Variants in CCDC28A observed in about 807,000 individuals in gnomAD.
CCDC28A encodes coiled-coil domain-containing protein 28A.
CCDC28A carries 24 observed loss-of-function variants against 22.1 expected under a neutral mutation model. The ratio of observed to expected loss-of-function variants is 1.09; its 90% confidence interval spans 0.79 to 1.53. The LOEUF is 1.53. Among genes scored for constraint, CCDC28A ranks in the 40% most tolerant of loss-of-function variants. The pLI, the probability that CCDC28A is intolerant of heterozygous loss-of-function variation, is 0.00. For missense variants in CCDC28A, 170 were observed against 210.7 expected (o/e 0.81, Z 1.20); for synonymous variants, 83 against 74.7 (o/e 1.11, Z -0.57).
chr6:138,779,507 G>A (rs1774984977), intron 2 of CCDC28A, among the ~76,000 whole-genome samples: 1 of 152,186 alleles, frequency 6.6e-6, no homozygotes, highest in Non-Finnish European at 1.5e-5. Context: ...ATGTTTTACT[G>A]AGAAATGAAA....
At chr6:138,782,338 A>C (rs914477990) in intron 3 of CCDC28A, among the ~76,000 whole-genome samples, 6 of 152,148 alleles carry the variant, frequency 3.9e-5, no homozygotes, top group African/African-American at 7.2e-5. Context: ...TTATCTTTAA[A>C]GGTTAGGCAT....
intron 4 of CCDC28A, among the ~76,000 whole-genome samples, chr6:138,786,421 A>G (rs78765318): frequency 0.031 from 4,752 of 152,342 alleles, 278 homozygotes; most frequent in African/African-American, 0.11. Context: ...ATAAATAAAA[A>G]TTGAATTCAA....
chr6:138,782,418 C>G (rs1425886927), intron 3 of CCDC28A, among the ~76,000 whole-genome samples: 1 of 152,170 alleles, frequency 6.6e-6, no homozygotes, highest in Non-Finnish European at 1.5e-5. Flanking sequence ...CCCTTCATAT[C>G]TGCTGACTCA....
chr6:138,788,568 C>CTTTTTTT lies in CCDC28A; in HGVS notation c.500+197_500+203dup, dbSNP rs3070099. ...TTCTTTTCTTTCTCTTTTTTCTTTTCTTTTTTTTTTTTTTTTTTTTTTTCA... is the reference window on the plus strand; with the variant it reads ...TTCTTTTCTTTCTCTTTTTTCTTTTCTTTTTTTTTTTTTTTTTTTTTTTTTTTTTTCA... On this transcript the variant is annotated intron_variant, in intron 5 of 5. Transcript: ENST00000617445. Among the ~76,000 whole-genome samples, 144 of 92,940 alleles carry CTTTTTTT rather than the reference C, an allele frequency of 1.5e-3. 9 individuals are homozygous for CTTTTTTT. Among genetic ancestry groups the CTTTTTTT allele is most frequent in the Middle Eastern group, 0.017 (2 of 118 alleles). 61.0% of individuals were successfully genotyped at this position (92,940 alleles called of 152,430 possible). A position where few individuals can be genotyped will look rare whatever the true frequency, so the allele number is the denominator to read the frequency against.
rs144902622 is a variant in CCDC28A at position 138,773,794 on chromosome 6, C to T, written c.-151C>T. On this transcript the variant is annotated 5_prime_UTR_variant, in exon 1 of 6. Coordinates refer to ENST00000617445, the MANE Select transcript of CCDC28A (RefSeq NM_015439.3). ...GTAAACAAACGGAGCTGCGGAGGAG[C>T]GGGTCCCGGGATGTGACCGGGGCTC... 17 of 1,613,580 alleles carry T rather than the reference C, an allele frequency of 1.1e-5. No homozygotes were observed. The highest frequency in any genetic ancestry group is 1.3e-5 in the African/African-American group (1 of 75,042).
In CCDC28A at chr6:138,776,262, C is replaced by A. The variant is rs750649147; in HGVS notation, c.142C>A (p.Arg48=). Residue 48 remains arginine (R), a synonymous_variant, in exon 2 of 6, where the codon CGA becomes AGA. Transcript: ENST00000617445. ...SNPASQSTSQ[R]PKLKRVMKEK... ...TCCTGCATCACAGTCAACTTCACAGCGACCAAAGTTAAAAAGGTGAATTCT... is the reference window on the plus strand; with the variant it reads ...TCCTGCATCACAGTCAACTTCACAGAGACCAAAGTTAAAAAGGTGAATTCT... 10 of 1,612,824 alleles carry A rather than the reference C, an allele frequency of 6.2e-6. No homozygotes were observed. Among genetic ancestry groups the A allele is most frequent in the East Asian group, 2.2e-5 (1 of 44,880 alleles).
chr6:138,788,971 T>C (rs1465918728), intron 5 of CCDC28A, among the ~76,000 whole-genome samples: 1 of 152,160 alleles, frequency 6.6e-6, no homozygotes, highest in Non-Finnish European at 1.5e-5. Context: ...TATCATCACA[T>C]AGGATATTTT....
intron 3 of CCDC28A, among the ~76,000 whole-genome samples, chr6:138,784,127 T>C (rs1775059540): frequency 6.6e-6 from 1 of 151,892 alleles, no homozygotes; most frequent in African/African-American, 2.4e-5. Context: ...GTTCAAGGGA[T>C]CCGTCAGCCT....
chr6:138,790,094 T>C (rs1775148421), intron 5 of CCDC28A, among the ~76,000 whole-genome samples: 1 of 152,176 alleles, frequency 6.6e-6, no homozygotes, highest in Non-Finnish European at 1.5e-5. Context: ...CCTTCAATGC[T>C]TTATATTCTT....
At chr6:138,788,568 C>CTTGT (rs1775126944) in intron 5 of CCDC28A, among the ~76,000 whole-genome samples, 180 bp downstream of exon 5, 1 of 92,980 alleles carries the variant, frequency 1.1e-5, no homozygotes, top group Non-Finnish European at 2.1e-5. Context: ...TTTTTCTTTT[C>CTTGT]TTTTTTTTTT....
In CCDC28A at chr6:138,791,013, T is replaced by G. The variant is rs368200622; in HGVS notation, c.501-1736T>G. Among the ~76,000 whole-genome samples, 78 of 152,300 alleles carry G rather than the reference T, an allele frequency of 5.1e-4. 1 individual carries two copies. The highest frequency in any genetic ancestry group is 1.7e-3 in the African/African-American group (71 of 41,578). ...GTAGCCACTAAGCCATTTCAAAGACTTAATATCCTTAAAAGAACATAAAAT... is the reference window on the plus strand; with the variant it reads ...GTAGCCACTAAGCCATTTCAAAGACGTAATATCCTTAAAAGAACATAAAAT... On this transcript the variant is annotated intron_variant, in intron 5 of 5. Transcript: ENST00000617445.
At chr6:138,774,050 G>A in intron 1 of CCDC28A, 148 bp downstream of exon 1, 1 of 966,802 alleles carries the variant, frequency 1.0e-6, no homozygotes, top group Non-Finnish European at 1.5e-6. Flanking sequence ...GGGATGCCCA[G>A]TGGTACTGCT....
At position 138,788,345 on chromosome 6, in the gene CCDC28A, ATT is replaced by A. The variant is rs745460530; in HGVS notation, c.478-19_478-18del. The stretch of plus-strand genomic sequence containing the variant: ...TTGATCTTATAAAAATTAAAAATAA[ATT>A]TGTTTCTTTGTTTTACAGTTAGAAG... On this transcript the variant is annotated intron_variant, in intron 4 of 5. Transcript: ENST00000617445. 5 of 953,344 alleles carry A rather than the reference ATT, an allele frequency of 5.2e-6. No homozygotes were observed. The East Asian group carries it at 1.1e-4, about 22-fold the overall frequency. The allele number at this position is 953,344 out of a possible 1,614,324, so 59.1% of individuals were successfully genotyped here.
intron 3 of CCDC28A, among the ~76,000 whole-genome samples, chr6:138,781,848 A>T (rs1775026437): frequency 6.6e-6 from 1 of 152,160 alleles, no homozygotes. Flanking sequence ...TGTTTATGGT[A>T]TATTTAACCT....
chr6:138,791,915 T>TATC (rs1408605068), intron 5 of CCDC28A, among the ~76,000 whole-genome samples: 12 of 152,216 alleles, frequency 7.9e-5, no homozygotes, highest in African/African-American at 2.7e-4. Flanking sequence ...AGTGTATTCA[T>TATC]ATCATTGAAT....
chr6:138,787,352 C>A (rs1445071522), intron 4 of CCDC28A, among the ~76,000 whole-genome samples: 1 of 152,090 alleles, frequency 6.6e-6, no homozygotes, highest in Non-Finnish European at 1.5e-5. Context: ...GGAAGTGGTT[C>A]ATGCCCTCCC....
At chr6:138,783,765 A>G (rs998478230) in intron 3 of CCDC28A, among the ~76,000 whole-genome samples, 3 of 150,678 alleles carry the variant, frequency 2.0e-5, no homozygotes, top group Admixed American at 2.0e-4. Flanking sequence ...ATGAGGTTTC[A>G]CCATGTTTCA....
chr6:138,777,211 C>T (rs1025412914), intron 2 of CCDC28A, among the ~76,000 whole-genome samples: 4 of 152,182 alleles, frequency 2.6e-5, no homozygotes, highest in African/African-American at 9.7e-5. Flanking sequence ...CATTCTGTAG[C>T]CGCTGGGTTT....
Position 138,792,951 on chromosome 6 carries a change from T to C in CCDC28A, c.*148T>C. ...AATGATCGTTTTCACTTACTGCTTTTAGTAAATGTGACTCGCTGTAATTCA... is the reference window on the plus strand; with the variant it reads ...AATGATCGTTTTCACTTACTGCTTTCAGTAAATGTGACTCGCTGTAATTCA... On this transcript the variant is annotated 3_prime_UTR_variant, in exon 6 of 6. Coordinates refer to ENST00000617445, the MANE Select transcript of CCDC28A (RefSeq NM_015439.3). The C allele has an allele frequency of 1.6e-6, 1 of 625,574 alleles. No homozygotes were observed. Among genetic ancestry groups the C allele is most frequent in the South Asian group, 1.8e-5 (1 of 54,188 alleles). The allele number at this position is 625,574 out of a possible 1,614,324, so 38.8% of individuals were successfully genotyped here. A position where few individuals can be genotyped will look rare whatever the true frequency, so the allele number is the denominator to read the frequency against.
Sources: allele counts gnomAD v4.1 joint callset (sites outside exome capture counted in the v4.1 genomes callset), GRCh38; gene constraint gnomAD v4.1.1; transcripts MANE v1.5; gene names NCBI Gene and HGNC (gene_info 2026-07-23, HGNC 2026-07-21).